The following KIF16B variants were observed in gnomAD, a reference collection of about 807,000 sequenced individuals.
The protein encoded by KIF16B is kinesin-like protein KIF16B.
Under a neutral mutation model 156.3 loss-of-function variants are expected in KIF16B, and 98 were observed. The ratio of observed to expected loss-of-function variants is 0.63; its 90% CI spans 0.53 to 0.74. The LOEUF is 0.74. KIF16B is among the 30% of genes least tolerant of loss of function. The pLI is 0.00. For synonymous variants in KIF16B, 564 were observed against 583.7 expected (o/e 0.97, Z 0.49); for missense variants, 1,421 against 1,606.5 (o/e 0.88, Z 1.97).
chr20:16,393,446 G>A (rs575354464), intron 17 of KIF16B, among the ~76,000 whole-genome samples: 5 of 152,252 alleles, frequency 3.3e-5, no homozygotes, highest in African/African-American at 9.6e-5. Flanking sequence ...CATGAGATAC[G>A]GGAGTTGCTG....
At chr20:16,497,337 G>A (rs2068479538) in intron 11 of KIF16B, among the ~76,000 whole-genome samples, 1 of 152,218 alleles carries the variant, frequency 6.6e-6, no homozygotes, top group Non-Finnish European at 1.5e-5. Flanking sequence ...AGTCAGCTCT[G>A]ATGACCTGAG....
intron 17 of KIF16B, among the ~76,000 whole-genome samples, chr20:16,393,503 C>T (rs1003755355): frequency 6.6e-6 from 1 of 152,150 alleles, no homozygotes; most frequent in Non-Finnish European, 1.5e-5. Flanking sequence ...CCAGCCATTG[C>T]AGGTTAAGAG....
rs6044066 is a variant in KIF16B at position 16,522,005 on chromosome 20, C to T, written c.231+4087G>A. 8.0e-4 allele frequency among the ~76,000 whole-genome samples: 121 copies of T among 152,026 alleles called. No individual in the cohort carries two copies. In the East Asian group the frequency reaches 0.01, roughly 13 times the overall value. On this transcript the variant is annotated intron_variant, in intron 3 of 25. Transcript: ENST00000354981. ...TTGCCACCACCAGGCCTGCCTTACA[C>T]GAGCTCCTGAAGGAAGCACAAAATA...
intron 12 of KIF16B, among the ~76,000 whole-genome samples, chr20:16,487,542 A>G (rs17673447): frequency 0.11 from 17,294 of 152,254 alleles, 1,270 homozygotes; most frequent in Non-Finnish European, 0.17. Context: ...ATAGGTTGCC[A>G]TAATGTTCTG....
At chr20:16,355,026 GTT>G (rs60329513) in intron 23 of KIF16B, among the ~76,000 whole-genome samples, 3 of 147,222 alleles carry the variant, frequency 2.0e-5, no homozygotes, top group African/African-American at 7.4e-5. Context: ...CTGATGCCCT[GTT>G]TTTTTTTTTC....
chr20:16,357,497 T>A (rs542087154), intron 22 of KIF16B, among the ~76,000 whole-genome samples: 1 of 152,318 alleles, frequency 6.6e-6, no homozygotes, highest in Admixed American at 6.5e-5. Context: ...ATTACATCCA[T>A]CTGAGATACA....
intron 23 of KIF16B, among the ~76,000 whole-genome samples, chr20:16,341,747 C>A (rs1352611432): frequency 1.3e-5 from 2 of 152,216 alleles, no homozygotes; most frequent in African/African-American, 4.8e-5. Context: ...TCTGTTCTGA[C>A]CAACCCTCCA....
intron 15 of KIF16B, among the ~76,000 whole-genome samples, chr20:16,417,573 G>A (rs374499375): frequency 3.9e-5 from 6 of 151,976 alleles, no homozygotes; most frequent in East Asian, 1.9e-4. Context: ...ATCCCAACAT[G>A]CATTGCAAAA....
At chr20:16,437,192 TATC>T (rs1465386499) in intron 12 of KIF16B, among the ~76,000 whole-genome samples, 1 of 152,202 alleles carries the variant, frequency 6.6e-6, no homozygotes. Flanking sequence ...AGGTCTAACA[TATC>T]ATACATATCA....
At chr20:16,448,920 T>A (rs954884075) in intron 12 of KIF16B, among the ~76,000 whole-genome samples, 2 of 149,424 alleles carry the variant, frequency 1.3e-5, no homozygotes, top group Admixed American at 6.6e-5. Context: ...ACAATTGACA[T>A]GTGAGTGGAA....
chr20:16,326,849 T>C (rs988506128), intron 24 of KIF16B, among the ~76,000 whole-genome samples: 1 of 151,618 alleles, frequency 6.6e-6, no homozygotes. Flanking sequence ...AAAGAAGTCA[T>C]TATATGAAAA....
chr20:16,435,743 T>C (rs2066625333), intron 12 of KIF16B, among the ~76,000 whole-genome samples: 1 of 152,204 alleles, frequency 6.6e-6, no homozygotes, highest in African/African-American at 2.4e-5. Flanking sequence ...TTGTGTTCAA[T>C]GGGCCTAACA....
intron 24 of KIF16B, among the ~76,000 whole-genome samples, chr20:16,324,818 TACCA>T (rs983341659): frequency 3.3e-5 from 5 of 151,944 alleles, no homozygotes; most frequent in African/African-American, 1.2e-4. Context: ...ATCACCCTAA[TACCA>T]AAACCAGGAA....
chr20:16,406,673 C>G (rs183852224), intron 15 of KIF16B, among the ~76,000 whole-genome samples: 144 of 152,232 alleles, frequency 9.5e-4, no homozygotes, highest in Non-Finnish European at 1.8e-3. Flanking sequence ...ATTATATCCT[C>G]ATATCCATAA....
chr20:16,418,380 G>A (rs1032533880), intron 15 of KIF16B, among the ~76,000 whole-genome samples: 2 of 151,998 alleles, frequency 1.3e-5, no homozygotes, highest in African/African-American at 2.4e-5. Context: ...CTTGGAAATC[G>A]AGTTCCTGGA....
chr20:16,527,759 A>C lies in KIF16B; in HGVS notation c.117+612T>G, dbSNP rs145320036. Among the ~76,000 whole-genome samples the C allele has an allele frequency of 6.3e-3, 959 of 152,116 alleles. 26 individuals carry two copies. The highest frequency in any genetic ancestry group is 0.044 in the Admixed American group (668 of 15,280). On this transcript the variant is annotated intron_variant, in intron 2 of 25. Coordinates refer to ENST00000354981, the MANE Select transcript of KIF16B (RefSeq NM_024704.5). ...GCCCAGCTCTGATTTCTTCAATATT[A>C]ATTTTATACCCCCGTTACCCTCCTC...
chr20:16,293,303 G>A (rs1257044772), intron 25 of KIF16B, among the ~76,000 whole-genome samples: 1 of 152,216 alleles, frequency 6.6e-6, no homozygotes, highest in African/African-American at 2.4e-5. Context: ...TGGGTTTTTG[G>A]TAGGGGAGGA....
chr20:16,282,026 C>T (rs1196074355), intron 25 of KIF16B, among the ~76,000 whole-genome samples: 2 of 142,472 alleles, frequency 1.4e-5, no homozygotes, highest in Non-Finnish European at 1.5e-5. Context: ...TTTTCTTTTT[C>T]TGTTTCTTTT....
rs530275523 is a variant in KIF16B, at chr20:16,401,337, A to G, written c.1784+3476T>C. On this transcript the variant is annotated intron_variant, in intron 17 of 25. Transcript: ENST00000354981. ...CACCTATGGCTTAAAGATCCTGAAC[A>G]TGATTTTGAGATTATTCAAGTAACT... Among the ~76,000 whole-genome samples, 6 of 152,252 alleles carry G rather than the reference A, an allele frequency of 3.9e-5. No homozygotes were observed. The East Asian group carries it at 1.2e-3, about 29-fold the overall frequency.
Sources: gnomAD v4.1 joint callset for allele counts (sites outside exome capture counted in the v4.1 genomes callset) on GRCh38, gnomAD v4.1.1 for gene constraint, MANE v1.5 for transcripts, NCBI Gene and HGNC (gene_info 2026-07-23, HGNC 2026-07-21) for gene names.